Variants in CSRNP3 observed in about 807,000 individuals in gnomAD.
The protein encoded by CSRNP3 is cysteine/serine-rich nuclear protein 3.
In CSRNP3, 12 loss-of-function variants were observed where a neutral mutation model predicts 48.0. The observed-to-expected ratio is 0.25, with a 90% CI of 0.16 to 0.41. The LOEUF (loss-of-function observed/expected upper bound fraction) is 0.41. Ranked by LOEUF, CSRNP3 falls within the 10% of genes least tolerant of loss-of-function variation. CSRNP3 has a pLI of 1.00. For synonymous variants in CSRNP3, 263 were observed against 269.7 expected, an observed-to-expected ratio of 0.98 and a Z score of 0.24; for missense variants, 580 against 724.4, an observed-to-expected ratio of 0.80 and a Z score of 2.29.
At chr2:165,666,005 G>A (rs1187657757) in intron 5 of CSRNP3, among the ~76,000 whole-genome samples, 1 of 141,332 alleles carries the variant, frequency 7.1e-6, no homozygotes, top group Admixed American at 7.1e-5. Flanking sequence ...AGGAAGGATA[G>A]AGAGGAAGAA....
chr2:165,511,164 T>A (rs1445932793), intron 2 of CSRNP3, among the ~76,000 whole-genome samples: 2 of 152,208 alleles, frequency 1.3e-5, no homozygotes, highest in Admixed American at 6.5e-5. Flanking sequence ...AGTTCACTGC[T>A]GACCTCGATA....
intron 4 of CSRNP3, among the ~76,000 whole-genome samples, chr2:165,599,281 GAGAGAA>G (rs1685863538): frequency 1.3e-5 from 1 of 77,456 alleles, no homozygotes. Context: ...GAAAGAGAGA[GAGAGAA>G]AGAAAGAAAG....
chr2:165,542,695 A>G (rs796339361), intron 3 of CSRNP3, among the ~76,000 whole-genome samples: 24 of 152,278 alleles, frequency 1.6e-4, no homozygotes, highest in African/African-American at 5.5e-4. Flanking sequence ...AAATACATGT[A>G]TGATTATTCT....
chr2:165,630,339 T>C (rs537105995), intron 4 of CSRNP3, among the ~76,000 whole-genome samples: 95 of 152,340 alleles, frequency 6.2e-4, no homozygotes, highest in African/African-American at 2.2e-3. Context: ...GACTGACTCC[T>C]CCTTTTCCTT....
rs958815088 is a variant in CSRNP3, at chr2:165,643,752, C to T, written c.149-14009C>T. On this transcript the variant is annotated intron_variant, in intron 4 of 6. Transcript: ENST00000651982. ...TTGCTTATTTCTGCTCCTTCTCTCA[C>T]GATCCATCAACTAGGCCTTCTACGT... Among the ~76,000 whole-genome samples the T allele has an allele frequency of 5.9e-5, 9 of 152,280 alleles. No individual in the cohort carries two copies. The East Asian group carries it at 1.2e-3, about 20-fold the overall frequency.
At chr2:165,485,895 G>A (rs889135109) in intron 1 of CSRNP3, among the ~76,000 whole-genome samples, 13 of 152,272 alleles carry the variant, frequency 8.5e-5, no homozygotes, top group Middle Eastern at 6.8e-3. Flanking sequence ...AATCTAGTAG[G>A]TAAGGTGCCT....
At chr2:165,583,610 A>G (rs1685581227) in intron 3 of CSRNP3, among the ~76,000 whole-genome samples, 1 of 152,180 alleles carries the variant, frequency 6.6e-6, no homozygotes. Flanking sequence ...GTAAAGATTC[A>G]GTAAGATAAA....
At chr2:165,615,098 T>C (rs1251037015) in intron 4 of CSRNP3, among the ~76,000 whole-genome samples, 2 of 152,186 alleles carry the variant, frequency 1.3e-5, no homozygotes, top group African/African-American at 4.8e-5. Context: ...TGAAGTTAAG[T>C]TCTATGTTTC....
chr2:165,505,067 G>C (rs985016805), intron 2 of CSRNP3, among the ~76,000 whole-genome samples: 1 of 151,996 alleles, frequency 6.6e-6, no homozygotes, highest in African/African-American at 2.4e-5. Flanking sequence ...ACTTCAACCT[G>C]GAGACAGTAC....
chr2:165,529,417 C>A (rs778391919), intron 3 of CSRNP3, among the ~76,000 whole-genome samples: 10 of 152,098 alleles, frequency 6.6e-5, no homozygotes, highest in Non-Finnish European at 1.5e-4. Context: ...AGTTTCCCTG[C>A]CCAAGCTCTC....
Position 165,585,936 on chromosome 2 carries a change from A to G in CSRNP3, c.-23-9107A>G, listed in dbSNP as rs962496963. ...GACAGAGGGGCTCTTGATGCCTCCT[A>G]TTGTTCCTGATAGAATACCCCCTAA... On this transcript the variant is annotated intron_variant, in intron 3 of 6. Transcript: ENST00000651982. Among the ~76,000 whole-genome samples, 8 of 152,132 alleles carry G rather than the reference A, an allele frequency of 5.3e-5. 1 individual carries two copies. The highest frequency in any genetic ancestry group is 5.2e-4 in the Admixed American group (8 of 15,264).
chr2:165,674,681 A>AATATATATATAT (rs59117817), intron 5 of CSRNP3, among the ~76,000 whole-genome samples: 1,525 of 102,982 alleles, frequency 0.015, 15 homozygotes, highest in African/African-American at 0.033. Flanking sequence ...AATACTTCTG[A>AATATATATATAT]ATATATATAT....
intron 3 of CSRNP3, among the ~76,000 whole-genome samples, chr2:165,570,018 C>A (rs915315940): frequency 6.6e-6 from 1 of 151,810 alleles, no homozygotes; most frequent in African/African-American, 2.4e-5. Flanking sequence ...CATATCTTTC[C>A]ATTTTATTAA....
rs1179069086 is a variant in CSRNP3, at chr2:165,595,057, A to G, written c.-9A>G. On this transcript the variant is annotated 5_prime_UTR_variant, in exon 4 of 7. Coordinates refer to ENST00000651982, the MANE Select transcript of CSRNP3 (RefSeq NM_001172173.2). ...TCCTGTTACAGGTACATGTGACAGCACTGCAGCGATGAGTGGAATTTTAAA... is the reference window on the plus strand; with the variant it reads ...TCCTGTTACAGGTACATGTGACAGCGCTGCAGCGATGAGTGGAATTTTAAA... The G allele has an allele frequency of 6.2e-7, 1 of 1,613,962 alleles. No homozygotes were observed. Among genetic ancestry groups the G allele is most frequent in the South Asian group, 1.1e-5 (1 of 91,058 alleles).
chr2:165,561,942 A>G (rs1472658001), intron 3 of CSRNP3, among the ~76,000 whole-genome samples: 1 of 152,168 alleles, frequency 6.6e-6, no homozygotes, highest in Non-Finnish European at 1.5e-5. Flanking sequence ...AATATACATG[A>G]AAATTCCTTT....
chr2:165,664,286 G>C (rs1379856640), intron 5 of CSRNP3, among the ~76,000 whole-genome samples: 3 of 152,134 alleles, frequency 2.0e-5, no homozygotes, highest in Non-Finnish European at 2.9e-5. Flanking sequence ...ACAAAACCAG[G>C]AATTTATTGT....
chr2:165,546,490 C>T (rs1331126081), intron 3 of CSRNP3, among the ~76,000 whole-genome samples: 1 of 152,154 alleles, frequency 6.6e-6, no homozygotes, highest in East Asian at 1.9e-4. Context: ...CAAGCCTAGC[C>T]TCTCTGTCTT....
intron 3 of CSRNP3, among the ~76,000 whole-genome samples, chr2:165,552,205 T>A (rs1163770703): frequency 2.6e-5 from 4 of 152,210 alleles, no homozygotes; most frequent in African/African-American, 9.6e-5. Context: ...AAGCTGTTAG[T>A]TTTTCTGCAA....
chr2:165,558,614 A>G (rs1260230630), intron 3 of CSRNP3, among the ~76,000 whole-genome samples: 1 of 152,178 alleles, frequency 6.6e-6, no homozygotes, highest in Non-Finnish European at 1.5e-5. Context: ...ACACACACAC[A>G]TTTACATGAA....
Sources: allele counts gnomAD v4.1 joint callset (sites outside exome capture counted in the v4.1 genomes callset), GRCh38; gene constraint gnomAD v4.1.1; transcripts MANE v1.5; gene names NCBI Gene and HGNC (gene_info 2026-07-23, HGNC 2026-07-21).